Variants in ZNF804B observed in about 807,000 individuals in gnomAD.
ZNF804B encodes zinc finger 804B.
A neutral mutation model predicts 101.4 loss-of-function variants in ZNF804B; 80 were observed. The observed-to-expected ratio is 0.79, with a 90% CI of 0.66 to 0.95. The LOEUF (loss-of-function observed/expected upper bound fraction) is 0.95, where lower values mean the gene tolerates loss of function less well. Among genes scored for constraint, ZNF804B ranks in the 40% least tolerant of loss-of-function variants. The pLI is 0.00. For synonymous variants in ZNF804B, 622 were observed against 558.8 expected (o/e 1.11, Z -1.59); for missense variants, 1,673 against 1,561.9 (o/e 1.07, Z -1.20).
At chr7:88,818,402 A>AT (rs1327103763) in intron 1 of ZNF804B, among the ~76,000 whole-genome samples, 3 of 152,070 alleles carry the variant, frequency 2.0e-5, no homozygotes, top group African/African-American at 4.8e-5. Flanking sequence ...AATTATGTCC[A>AT]TTTTTTTCTT....
At chr7:89,071,839 C>G (rs1425806441) in intron 1 of ZNF804B, among the ~76,000 whole-genome samples, 1 of 151,660 alleles carries the variant, frequency 6.6e-6, no homozygotes, top group African/African-American at 2.4e-5. Context: ...ACATGGCATC[C>G]TACTAAGAAA....
At chr7:89,245,364 G>A (rs1401853817) in intron 2 of ZNF804B, among the ~76,000 whole-genome samples, 1 of 152,134 alleles carries the variant, frequency 6.6e-6, no homozygotes, top group African/African-American at 2.4e-5. Context: ...TTCTCACAGA[G>A]ACTTTGGTTG....
chr7:89,129,183 C>T (rs1442144644), intron 1 of ZNF804B, among the ~76,000 whole-genome samples: 2 of 151,910 alleles, frequency 1.3e-5, no homozygotes, highest in Admixed American at 6.6e-5. Flanking sequence ...CTATTTTTTA[C>T]GTTCAGTGCC....
At chr7:88,955,916 G>A (rs952402090) in intron 1 of ZNF804B, among the ~76,000 whole-genome samples, 1 of 151,418 alleles carries the variant, frequency 6.6e-6, no homozygotes, top group African/African-American at 2.4e-5. Context: ...TAATTTAAAA[G>A]TAGGCAAAGG....
At chr7:89,308,126 A>G (rs73384376) in intron 2 of ZNF804B, among the ~76,000 whole-genome samples, 3,264 of 152,136 alleles carry the variant, frequency 0.021, 101 homozygotes, top group African/African-American at 0.074. Context: ...AATGCTCCTT[A>G]CTCTTGGAAT....
At chr7:89,071,793 C>CACACACACACACACACACACAT (rs1277924400) in intron 1 of ZNF804B, among the ~76,000 whole-genome samples, 18 of 151,894 alleles carry the variant, frequency 1.2e-4, no homozygotes, top group African/African-American at 4.4e-4. Context: ...CACACACACA[C>CACACACACACACACACACACAT]ACACACACAC....
At chr7:88,794,587 T>C (rs1231245011) in intron 1 of ZNF804B, 2 of 1,613,604 alleles carry the variant, frequency 1.2e-6, no homozygotes, top group Non-Finnish European at 1.7e-6. Context: ...TGTTTCATCT[T>C]TGACATGGCC....
At chr7:88,969,907 G>T (rs1793506815) in intron 1 of ZNF804B, among the ~76,000 whole-genome samples, 1 of 151,348 alleles carries the variant, frequency 6.6e-6, no homozygotes, top group Non-Finnish European at 1.5e-5. Context: ...ACATATAATA[G>T]AATTATTTCC....
At chr7:89,181,917 A>G (rs1414228818) in intron 1 of ZNF804B, among the ~76,000 whole-genome samples, 1 of 152,164 alleles carries the variant, frequency 6.6e-6, no homozygotes, top group African/African-American at 2.4e-5. Flanking sequence ...TTTGTGTGCT[A>G]AGAGCAACAT....
intron 2 of ZNF804B, among the ~76,000 whole-genome samples, chr7:89,271,610 G>T (rs1442521736): frequency 2.0e-5 from 3 of 152,006 alleles, no homozygotes; most frequent in South Asian, 2.1e-4. Context: ...GATTCCCTCT[G>T]TTCCTATTGA....
chr7:88,898,476 G>T (rs778936083), intron 1 of ZNF804B, among the ~76,000 whole-genome samples: 3 of 150,730 alleles, frequency 2.0e-5, no homozygotes, highest in Non-Finnish European at 3.0e-5. Flanking sequence ...TATCCATGAC[G>T]CCCCCTTCTG....
intron 2 of ZNF804B, among the ~76,000 whole-genome samples, chr7:89,226,981 G>T (rs1789099291): frequency 6.6e-6 from 1 of 152,100 alleles, no homozygotes; most frequent in Admixed American, 6.5e-5. Context: ...ATATAGTAAA[G>T]GCCTCCGTCT....
chr7:89,253,691 A>G (rs564067667), intron 2 of ZNF804B, among the ~76,000 whole-genome samples: 4 of 152,232 alleles, frequency 2.6e-5, no homozygotes, highest in African/African-American at 9.6e-5. Context: ...TTTAAAAAGA[A>G]AGACGACAGA....
At chr7:89,271,245 G>A (rs1343072669) in intron 2 of ZNF804B, among the ~76,000 whole-genome samples, 2 of 151,940 alleles carry the variant, frequency 1.3e-5, no homozygotes, top group African/African-American at 2.4e-5. Flanking sequence ...CATCCCATCA[G>A]TACCTAATTT....
intron 2 of ZNF804B, among the ~76,000 whole-genome samples, chr7:89,307,626 T>A (rs917191780): frequency 4.6e-5 from 7 of 152,056 alleles, no homozygotes; most frequent in African/African-American, 1.7e-4. Context: ...AAAATCTTAT[T>A]TTTGAGCAGT....
chr7:88,924,520 T>A (rs1792767378), intron 1 of ZNF804B, among the ~76,000 whole-genome samples: 1 of 152,150 alleles, frequency 6.6e-6, no homozygotes, highest in African/African-American at 2.4e-5. Context: ...TAGCTACCTC[T>A]CCTACATCAT....
At chr7:88,820,247 T>C (rs750399485) in intron 1 of ZNF804B, among the ~76,000 whole-genome samples, 3 of 152,184 alleles carry the variant, frequency 2.0e-5, no homozygotes, top group Non-Finnish European at 2.9e-5. Context: ...CAAAAATATG[T>C]TTGAGAAGTC....
At chr7:89,152,719 A>C (rs750490995) in intron 1 of ZNF804B, among the ~76,000 whole-genome samples, 53 of 152,158 alleles carry the variant, frequency 3.5e-4, no homozygotes, top group Admixed American at 8.5e-4. Context: ...TCTTGCCTTT[A>C]ACATCAATGT....
At chr7:88,912,801 T>A (rs1421089879) in intron 1 of ZNF804B, among the ~76,000 whole-genome samples, 2 of 152,192 alleles carry the variant, frequency 1.3e-5, no homozygotes, top group Non-Finnish European at 2.9e-5. Context: ...TTTTACTTTG[T>A]TTTTAAAAAG....
Sources: allele counts gnomAD v4.1 joint callset (sites outside exome capture counted in the v4.1 genomes callset), GRCh38; gene constraint gnomAD v4.1.1; transcripts MANE v1.5; gene names NCBI Gene and HGNC (gene_info 2026-07-23, HGNC 2026-07-21).